BTD: variants seen among roughly 807,000 people sequenced by gnomAD.
BTD encodes biotinidase.
BTD carries 13 observed loss-of-function variants against 17.7 expected under a neutral mutation model. That is an observed-to-expected ratio of 0.74 (90% CI 0.48 to 1.17). The LOEUF is 1.17. BTD is among the 50% of genes most tolerant of loss of function. BTD has a pLI of 0.00. For missense variants in BTD, 674 were observed against 650.4 expected, an observed-to-expected ratio of 1.04 and a Z score of -0.39; for synonymous variants, 240 against 245.2, an observed-to-expected ratio of 0.98 and a Z score of 0.20.
intron 1 of BTD, among the ~76,000 whole-genome samples, chr3:15,617,605 C>T (rs1229859526): frequency 6.6e-6 from 1 of 152,166 alleles, no homozygotes; most frequent in Non-Finnish European, 1.5e-5. Flanking sequence ...GTGGTACACA[C>T]TTGTAGTCCC....
At chr3:15,677,301 G>A (rs2067042888) in intron 3 of BTD, among the ~76,000 whole-genome samples, 1 of 152,132 alleles carries the variant, frequency 6.6e-6, no homozygotes, top group Admixed American at 6.5e-5. Context: ...AACTTATTTG[G>A]CTTACTGGAG....
chr3:15,619,778 T>C (rs1047003100), intron 1 of BTD, among the ~76,000 whole-genome samples: 7 of 152,330 alleles, frequency 4.6e-5, no homozygotes, highest in African/African-American at 1.7e-4. Context: ...AAGTGTCAGC[T>C]GGCTGAGAAA....
downstream of BTD, among the ~76,000 whole-genome samples, chr3:15,715,668 G>A (rs917616968): frequency 6.6e-6 from 1 of 152,156 alleles, no homozygotes; most frequent in Admixed American, 6.5e-5. Context: ...CTTACCACAA[G>A]CAAGATTTTT....
At chr3:15,630,876 G>A (rs1386211468) in intron 1 of BTD, among the ~76,000 whole-genome samples, 1 of 152,138 alleles carries the variant, frequency 6.6e-6, no homozygotes, top group Non-Finnish European at 1.5e-5. Context: ...AGCTGCCCAC[G>A]CGAGAACCAT....
chr3:15,704,949 G>T (rs2071156187), intron 3 of BTD, among the ~76,000 whole-genome samples: 1 of 152,150 alleles, frequency 6.6e-6, no homozygotes, highest in Non-Finnish European at 1.5e-5. Context: ...ATTATGCACA[G>T]TCTCATTTAG....
intron 3 of BTD, among the ~76,000 whole-genome samples, chr3:15,678,764 G>C (rs1414074178): frequency 6.6e-6 from 1 of 152,142 alleles, no homozygotes; most frequent in Non-Finnish European, 1.5e-5. Flanking sequence ...ATTCGAAAGA[G>C]AGGGAAAAAT....
chr3:15,627,599 T>C (rs1706148011), intron 1 of BTD, among the ~76,000 whole-genome samples: 1 of 152,202 alleles, frequency 6.6e-6, no homozygotes, highest in African/African-American at 2.4e-5. Flanking sequence ...AAGGTGGCCT[T>C]TGATGTGTTA....
In BTD at chr3:15,644,344, T is replaced by A; in HGVS notation, c.428T>A (p.Ile143Asn). The change falls in exon 4 of 4, where the codon ATC becomes AAC. Residue 143 changes from isoleucine to asparagine, a missense_variant. Ile to Asn is a moderately radical substitution (Grantham distance 149, BLOSUM62 -3). Coordinates refer to ENST00000643237, the MANE Select transcript of BTD (RefSeq NM_001370658.1). ...EVLQRLSCMA[I>N]RGDMFLVANL... ...CTCCAGCGCCTGAGTTGTATGGCCA[T>A]CAGGGGAGATATGTTCTTGGTGGCC... 1 of 1,613,942 alleles carries A rather than the reference T, an allele frequency of 6.2e-7. No individual in the cohort carries two copies. The highest frequency in any genetic ancestry group is 8.5e-7 in the Non-Finnish European group (1 of 1,179,956).
chr3:15,612,687 A>ATT (rs35402548), intron 1 of BTD, among the ~76,000 whole-genome samples: 32 of 141,100 alleles, frequency 2.3e-4, no homozygotes, highest in Admixed American at 1.4e-3. Context: ...TACATCTTTA[A>ATT]TTTTTTTTTT....
In BTD at chr3:15,651,017, C is replaced by G. The variant is rs2065792956; in HGVS notation, c.*5529C>G. Among the ~76,000 whole-genome samples the G allele has an allele frequency of 6.6e-6, 1 of 152,216 alleles. No individual in the cohort carries two copies. The highest frequency in any genetic ancestry group is 2.1e-4 in the South Asian group (1 of 4,834). On this transcript the variant is annotated 3_prime_UTR_variant, in exon 4 of 4. Transcript: ENST00000643237. ...TCTCCTGACCTCATGATCTGCCTGC[C>G]TCAGCCTCCCAAAGTGCTGGGATTA...
chr3:15,608,310 G>GT (rs869117726), intron 1 of BTD, among the ~76,000 whole-genome samples: 1 of 152,096 alleles, frequency 6.6e-6, no homozygotes, highest in Non-Finnish European at 1.5e-5. Context: ...TGGGTTTTGG[G>GT]TTTTTTTGTT....
intron 3 of BTD, among the ~76,000 whole-genome samples, chr3:15,695,679 A>G (rs531143395): frequency 6.6e-6 from 1 of 152,246 alleles, no homozygotes; most frequent in South Asian, 2.1e-4. Flanking sequence ...CTATTCCAGA[A>G]TCAGACCACA....
At chr3:15,603,191 G>C (rs908997247) in intron 1 of BTD, among the ~76,000 whole-genome samples, 1 of 152,196 alleles carries the variant, frequency 6.6e-6, no homozygotes, top group African/African-American at 2.4e-5. Context: ...CAGCCAAACT[G>C]TTCTGCCCCT....
downstream of BTD, among the ~76,000 whole-genome samples, chr3:15,657,768 T>C (rs1192448655): frequency 6.6e-6 from 1 of 151,908 alleles, no homozygotes; most frequent in Non-Finnish European, 1.5e-5. Flanking sequence ...CAGGAATCTT[T>C]GTCAGTTTCT....
At position 15,648,513 on chromosome 3, in the gene BTD, T is replaced by C. The variant is rs573952748; in HGVS notation, c.*3025T>C. On this transcript the variant is annotated 3_prime_UTR_variant, in exon 4 of 4. Transcript: ENST00000643237. ...AATGGCATAAAACAAGCATGGACAT[T>C]GTTAGTTCACCCAGTTCTGTGGGGC... 1.3e-5 allele frequency among the ~76,000 whole-genome samples: 2 copies of C among 152,176 alleles called. No individual in the cohort carries two copies. The highest frequency in any genetic ancestry group is 4.1e-4 in the South Asian group (2 of 4,826).
At chr3:15,691,539 TAAAG>T (rs1321224886) in intron 3 of BTD, among the ~76,000 whole-genome samples, 1 of 152,182 alleles carries the variant, frequency 6.6e-6, no homozygotes, top group Non-Finnish European at 1.5e-5. Flanking sequence ...GAGCAGGACA[TAAAG>T]AAATAAATAA....
intron 3 of BTD, chr3:15,685,023 C>T: frequency 1.7e-6 from 1 of 585,292 alleles, no homozygotes; most frequent in East Asian, 2.9e-5. Flanking sequence ...CTCAGAACAC[C>T]TTTGACAACT....
intron 3 of BTD, chr3:15,676,877 T>C (rs929464364): frequency 2.0e-6 from 2 of 977,336 alleles, no homozygotes; most frequent in East Asian, 2.5e-5. Context: ...CTATGACTAA[T>C]GAAACCTATT....
chr3:15,645,543 C>A lies in BTD; in HGVS notation c.*55C>A. The A allele has an allele frequency of 1.3e-6, 2 of 1,579,856 alleles. No homozygotes were observed. The highest frequency in any genetic ancestry group is 8.6e-7 in the Non-Finnish European group (1 of 1,164,694). On this transcript the variant is annotated 3_prime_UTR_variant, in exon 4 of 4. Coordinates refer to ENST00000643237, the MANE Select transcript of BTD (RefSeq NM_001370658.1). Reference sequence around the variant, plus strand: ...TGGCCATCATGTTGACAGCCTTGCACTTCCACAGGCTACAAGCCCTGGGAC... The same window carrying A: ...TGGCCATCATGTTGACAGCCTTGCAATTCCACAGGCTACAAGCCCTGGGAC...
Sources: allele counts gnomAD v4.1 joint callset (sites outside exome capture counted in the v4.1 genomes callset), GRCh38; gene constraint gnomAD v4.1.1; transcripts MANE v1.5; gene names NCBI Gene and HGNC (gene_info 2026-07-23, HGNC 2026-07-21).